Variants in AHDC1 observed in about 807,000 individuals in gnomAD.
AHDC1 encodes the protein AT-hook DNA binding motif containing 1.
AHDC1 carries 7 observed loss-of-function variants against 87.9 expected under a neutral mutation model. The ratio of observed to expected loss-of-function variants is 0.08; its 90% CI spans 0.05 to 0.15. The LOEUF (loss-of-function observed/expected upper bound fraction) is 0.15. Ranked by LOEUF, AHDC1 falls within the 10% of genes least tolerant of loss-of-function variation. The probability of loss-of-function intolerance (pLI) is 1.00; values close to 1 mark genes in which losing one functional copy is unlikely to be tolerated. For synonymous variants in AHDC1, 1,051 were observed against 1,006.8 expected (o/e 1.04, Z -0.83); for missense variants, 1,841 against 2,253.2 (o/e 0.82, Z 3.70).
intron 7 of AHDC1, 103 bp from the exon 8 acceptor site, chr1:27,552,292 A>G (rs1476758397): frequency 6.1e-6 from 7 of 1,142,186 alleles, no homozygotes; most frequent in Non-Finnish European, 7.9e-6. Context: ...CTGAGGTCTC[A>G]TCTCCTTACC....
intron 3 of AHDC1, among the ~76,000 whole-genome samples, chr1:27,592,138 T>C (rs2089239142): frequency 1.3e-5 from 2 of 152,282 alleles, no homozygotes; most frequent in Middle Eastern, 3.4e-3. Context: ...CCACAAGTAA[T>C]AAGCCTCATT....
chr1:27,534,765 C>T lies in AHDC1; in HGVS notation c.*195G>A, dbSNP rs1480565179. On this transcript the variant is annotated 3_prime_UTR_variant, in exon 9 of 9. Coordinates refer to ENST00000673934, the MANE Select transcript of AHDC1 (RefSeq NM_001371928.1). ...GTTTTGTGCAGAAAGGGCTCACCTTCGGCTTCTGCGTGGAGGAGATGGGTG... is the reference window on the plus strand; with the variant it reads ...GTTTTGTGCAGAAAGGGCTCACCTTTGGCTTCTGCGTGGAGGAGATGGGTG... The T allele has an allele frequency of 7.7e-6, 1 of 129,428 alleles. No individual in the cohort carries two copies. Among genetic ancestry groups the T allele is most frequent in the African/African-American group, 2.8e-5 (1 of 35,156 alleles). 8.0% of individuals were successfully genotyped at this position (129,428 alleles called of 1,614,324 possible). A position where few individuals can be genotyped will look rare whatever the true frequency, so the allele number is the denominator to read the frequency against.
chr1:27,537,172 T>C (rs1238196374), intron 8 of AHDC1, among the ~76,000 whole-genome samples: 5 of 152,232 alleles, frequency 3.3e-5, no homozygotes, highest in East Asian at 1.9e-4. Context: ...GGGAGAATGC[T>C]GTGGCTGTGT....
At chr1:27,542,358 A>G (rs539469121) in intron 8 of AHDC1, among the ~76,000 whole-genome samples, 22 of 152,216 alleles carry the variant, frequency 1.4e-4, no homozygotes, top group Middle Eastern at 3.4e-3. Flanking sequence ...CAAGGCCCCA[A>G]ATCCACACTA....
In AHDC1 at chr1:27,548,612, G is replaced by A. The variant is rs550081873; in HGVS notation, c.3504C>T (p.Ser1168=). 40 of 1,613,546 alleles carry A rather than the reference G, an allele frequency of 2.5e-5. 1 individual carries two copies. In the South Asian group the frequency reaches 2.5e-4, roughly 10 times the overall value. Residue 1168 remains serine, a synonymous_variant, in exon 8 of 9, where the codon TCC becomes TCT. Coordinates refer to ENST00000673934, the MANE Select transcript of AHDC1 (RefSeq NM_001371928.1). ...CCGGCTGATTGAACTGGGTGCTGTCGGAGGATGACTCAGAGAAGGTCTCCG... is the reference window on the plus strand; with the variant it reads ...CCGGCTGATTGAACTGGGTGCTGTCAGAGGATGACTCAGAGAAGGTCTCCG... ...AVSETFSESS[S]DSTQFNQPVG...
chr1:27,569,097 GA>G (rs1189302636), intron 3 of AHDC1, among the ~76,000 whole-genome samples: 1 of 148,928 alleles, frequency 6.7e-6, no homozygotes, highest in East Asian at 2.0e-4. Context: ...AAATCATCTG[GA>G]TACTACCCCC....
intron 8 of AHDC1, among the ~76,000 whole-genome samples, chr1:27,542,829 G>A (rs2018990570): frequency 6.6e-6 from 1 of 152,196 alleles, no homozygotes. Flanking sequence ...CAGGAAATGA[G>A]GGCTCAGAAC....
At chr1:27,566,820 GGAA>G (rs2020341710) in intron 3 of AHDC1, among the ~76,000 whole-genome samples, 1 of 140,384 alleles carries the variant, frequency 7.1e-6, no homozygotes, top group African/African-American at 2.6e-5. Flanking sequence ...TAGGGTGGGG[GGAA>G]GAAGGAGCAG....
chr1:27,559,208 T>A (rs1024870459), intron 3 of AHDC1, among the ~76,000 whole-genome samples: 1 of 151,678 alleles, frequency 6.6e-6, no homozygotes, highest in Non-Finnish European at 1.5e-5. Context: ...TGCACCACCA[T>A]GCCTGGCTAT....
chr1:27,601,123 G>T (rs2089518682), intron 3 of AHDC1, among the ~76,000 whole-genome samples: 1 of 152,128 alleles, frequency 6.6e-6, no homozygotes, highest in African/African-American at 2.4e-5. Context: ...CACTACCTCA[G>T]CCATAGATCA....
intron 8 of AHDC1, among the ~76,000 whole-genome samples, chr1:27,535,212 C>T (rs2018590244): frequency 1.3e-5 from 2 of 152,170 alleles, no homozygotes; most frequent in Admixed American, 1.3e-4. Flanking sequence ...GCTCTGGAAT[C>T]AGACACAGCT....
chr1:27,546,877 C>A (rs2019191612), intron 8 of AHDC1, among the ~76,000 whole-genome samples: 1 of 152,148 alleles, frequency 6.6e-6, no homozygotes, highest in African/African-American at 2.4e-5. Context: ...TCACACAGGG[C>A]GATACAAATG....
chr1:27,536,011 C>T (rs1185810824), intron 8 of AHDC1, among the ~76,000 whole-genome samples: 2 of 152,124 alleles, frequency 1.3e-5, no homozygotes, highest in Non-Finnish European at 2.9e-5. Flanking sequence ...ACATCTCCCA[C>T]CCTCAGTGTG....
intron 3 of AHDC1, among the ~76,000 whole-genome samples, chr1:27,573,549 G>A (rs868130902): frequency 6.6e-6 from 1 of 152,130 alleles, no homozygotes; most frequent in Non-Finnish European, 1.5e-5. Context: ...TGAGCACCTC[G>A]CAGCCCTGGA....
chr1:27,586,209 G>A (rs2089052649), intron 3 of AHDC1, among the ~76,000 whole-genome samples: 1 of 152,182 alleles, frequency 6.6e-6, no homozygotes, highest in Non-Finnish European at 1.5e-5. Context: ...ACAGGCAGGG[G>A]CCTCAGGTCA....
rs914647651 is a variant in AHDC1, at chr1:27,549,963, G to C, written c.2153C>G (p.Thr718Ser). 2.5e-6 allele frequency: 4 copies of C among 1,611,976 alleles called. No homozygotes were observed. The Admixed American group carries it at 6.7e-5, about 27-fold the overall frequency. ...AAAGVGGPGL[T>S]ELGHPRKRGR... ...CCGTTTGCGTGGGTGCCCCAACTCA[G>C]TAAGGCCCGGGCCCCCGACCCCAGC... Residue 718 changes from threonine (T) to serine (S), a missense_variant, in exon 8 of 9, where the codon ACT becomes AGT. Thr to Ser is a moderately conservative substitution (Grantham distance 58). This residue lies in a region of AHDC1 where 236 missense variants were observed against 257.9 expected (regional missense o/e 0.92). Coordinates refer to ENST00000673934, the MANE Select transcript of AHDC1 (RefSeq NM_001371928.1).
At chr1:27,572,548 C>G (rs765236932) in intron 3 of AHDC1, among the ~76,000 whole-genome samples, 1 of 152,186 alleles carries the variant, frequency 6.6e-6, no homozygotes, top group Non-Finnish European at 1.5e-5. Context: ...ATGCACTGTT[C>G]AGAGGCCCTG....
chr1:27,601,238 T>C (rs1255969567), intron 3 of AHDC1, among the ~76,000 whole-genome samples: 1 of 152,260 alleles, frequency 6.6e-6, no homozygotes, highest in Non-Finnish European at 1.5e-5. Flanking sequence ...AGAAAATAAA[T>C]ATCGGCACGT....
chr1:27,567,152 T>A (rs907978597), intron 3 of AHDC1, among the ~76,000 whole-genome samples: 1 of 152,000 alleles, frequency 6.6e-6, no homozygotes, highest in South Asian at 2.1e-4. Flanking sequence ...CTCCTCTCTG[T>A]CCCCTCCAGT....
Sources: allele counts gnomAD v4.1 joint callset (sites outside exome capture counted in the v4.1 genomes callset), GRCh38; gene constraint gnomAD v4.1.1; regional missense constraint gnomAD v4.1.1; transcripts MANE v1.5; gene names NCBI Gene and HGNC (gene_info 2026-07-23, HGNC 2026-07-21).